CLEC16A: variants seen among roughly 807,000 people sequenced by gnomAD.
CLEC16A encodes the protein C-type lectin domain containing 16A.
A neutral mutation model predicts 109.5 loss-of-function variants in CLEC16A; 51 were observed. That is an observed-to-expected ratio of 0.47 (90% confidence interval 0.37 to 0.59). CLEC16A has a LOEUF of 0.59. Among genes scored for constraint, CLEC16A ranks in the 20% least tolerant of loss-of-function variants. The pLI is 0.00. For missense variants in CLEC16A, 1,339 were observed against 1,394.0 expected (o/e 0.96, Z 0.63); for synonymous variants, 673 against 564.2 (o/e 1.19, Z -2.73).
intron 10 of CLEC16A, among the ~76,000 whole-genome samples, chr16:10,985,266 A>G (rs1469221713): frequency 1.3e-5 from 2 of 150,828 alleles, no homozygotes; most frequent in African/African-American, 4.9e-5. Flanking sequence ...CTGGGTTGCA[A>G]ACTGGCCACC....
In CLEC16A at chr16:11,180,210, G is replaced by A. The variant is rs200365878; in HGVS notation, c.*1520G>A. 26 of 152,496 alleles carry A rather than the reference G, an allele frequency of 1.7e-4. No homozygotes were observed. The highest frequency in any genetic ancestry group is 2.8e-4 in the Non-Finnish European group (19 of 68,164). The allele number at this position is 152,496 out of a possible 1,614,324, so 9.4% of individuals were successfully genotyped here. ...TCTCCTCGGCCCAGCCAGCTGTCCC[G>A]GCAAGGCCTGCCGAGGGCAGTTTTC... On this transcript the variant is annotated 3_prime_UTR_variant, in exon 24 of 24. Coordinates refer to ENST00000409790, the MANE Select transcript of CLEC16A (RefSeq NM_015226.3).
Position 11,120,638 on chromosome 16 carries a change from A to G in CLEC16A, c.2140A>G (p.Thr714Ala). Residue 714 changes from threonine (T) to alanine (A), a missense_variant, in exon 20 of 24, where the codon ACA becomes GCA. Physicochemically the swap from Thr to Ala is moderately conservative, Grantham distance 58 (BLOSUM62 0). Coordinates refer to ENST00000409790, the MANE Select transcript of CLEC16A (RefSeq NM_015226.3). ...DLNNSDLIAC[T>A]VITKDGGMVQ... The stretch of plus-strand genomic sequence containing the variant: ...AGATAACAGCGACTTGATTGCATGT[A>G]CAGTGATCACCAAGGATGGCGGCAT... 1.2e-6 allele frequency: 2 copies of G among 1,613,080 alleles called. No individual in the cohort carries two copies. Among genetic ancestry groups the G allele is most frequent in the South Asian group, 1.1e-5 (1 of 90,840 alleles).
At chr16:11,144,937 C>T (rs2153070909) in intron 22 of CLEC16A, among the ~76,000 whole-genome samples, 1 of 152,162 alleles carries the variant, frequency 6.6e-6, no homozygotes, top group Non-Finnish European at 1.5e-5. Context: ...TTCATGGTGT[C>T]CTGGGGCTAA....
intron 22 of CLEC16A, among the ~76,000 whole-genome samples, chr16:11,142,895 C>T (rs1371791243): frequency 1.3e-5 from 2 of 152,224 alleles, no homozygotes; most frequent in Admixed American, 6.5e-5. Flanking sequence ...ACTGCAACCT[C>T]CGCCCCCCTG....
intron 19 of CLEC16A, among the ~76,000 whole-genome samples, chr16:11,104,189 A>G (rs1396074594): frequency 3.3e-5 from 5 of 151,850 alleles, no homozygotes; most frequent in African/African-American, 9.7e-5. Context: ...GCTTACTGCA[A>G]CCTCTGCCTC....
chr16:11,018,111 C>A (rs2152796526), intron 11 of CLEC16A, among the ~76,000 whole-genome samples: 1 of 150,088 alleles, frequency 6.7e-6, no homozygotes, highest in South Asian at 2.1e-4. Flanking sequence ...AGTTTGAGAC[C>A]AGCCTGGGCA....
intron 8 of CLEC16A, 87 bp from the exon 9 acceptor site, chr16:10,979,241 CA>C: frequency 8.0e-7 from 1 of 1,247,190 alleles, no homozygotes; most frequent in South Asian, 1.3e-5. Context: ...CGCCTTTGTT[CA>C]CACAGAAGGC....
At chr16:11,073,679 C>T (rs895903931) in intron 19 of CLEC16A, among the ~76,000 whole-genome samples, 4 of 152,192 alleles carry the variant, frequency 2.6e-5, no homozygotes, top group African/African-American at 9.6e-5. Context: ...CTGCCCTTGT[C>T]GCCCCTGCCT....
chr16:11,059,283 G>A (rs2048362131), intron 18 of CLEC16A, among the ~76,000 whole-genome samples: 1 of 152,190 alleles, frequency 6.6e-6, no homozygotes, highest in South Asian at 2.1e-4. Flanking sequence ...TATGAAGACT[G>A]TACTTTTAAA....
intron 22 of CLEC16A, among the ~76,000 whole-genome samples, chr16:11,128,343 A>C (rs765544168): frequency 6.6e-6 from 1 of 152,220 alleles, no homozygotes; most frequent in African/African-American, 2.4e-5. Flanking sequence ...ATCAAATGCC[A>C]GGAGTGTGGC....
chr16:11,025,237 G>A (rs138750763), intron 13 of CLEC16A, among the ~76,000 whole-genome samples: 54 of 152,244 alleles, frequency 3.5e-4, no homozygotes, highest in African/African-American at 1.3e-3. Flanking sequence ...CTGACTTAGC[G>A]TCTGACCTCT....
chr16:11,003,270 G>T lies in CLEC16A; in HGVS notation c.1268G>T (p.Gly423Val), dbSNP rs759504859. 1.9e-6 allele frequency: 3 copies of T among 1,612,606 alleles called. No homozygotes were observed. The highest frequency in any genetic ancestry group is 2.5e-6 in the Non-Finnish European group (3 of 1,179,786). The change falls in exon 11 of 24, where the codon GGT becomes GTT. Residue 423 changes from glycine to valine, a missense_variant. Physicochemically the swap from Gly to Val is moderately radical, Grantham distance 109. Transcript: ENST00000409790. ...DAEKAKGTEG[G>V]SKGIKTSGES... Reference sequence around the variant, plus strand: ...GAGAAGGCTAAAGGTACAGAGGGTGGTTCAAAAGGCATCAAGACGAGTGGG... The same window carrying T: ...GAGAAGGCTAAAGGTACAGAGGGTGTTTCAAAAGGCATCAAGACGAGTGGG...
At chr16:11,164,776 G>T (rs943731223) in intron 22 of CLEC16A, among the ~76,000 whole-genome samples, 1 of 152,232 alleles carries the variant, frequency 6.6e-6, no homozygotes, top group Non-Finnish European at 1.5e-5. Flanking sequence ...CAAGCAGGCA[G>T]CAGGTTGCAG....
chr16:11,049,805 G>A (rs990993264), intron 17 of CLEC16A, among the ~76,000 whole-genome samples: 5 of 152,246 alleles, frequency 3.3e-5, no homozygotes, highest in African/African-American at 7.2e-5. Flanking sequence ...GTTGTAGGGG[G>A]CAGCAGGAGT....
At chr16:11,150,160 G>T (rs561860314) in intron 22 of CLEC16A, 5 of 152,196 alleles carry the variant, frequency 3.3e-5, no homozygotes, top group Non-Finnish European at 7.3e-5. Flanking sequence ...ACAGTGTAAC[G>T]TAATACCTAT....
At chr16:11,046,475 T>G (rs1473117406) in intron 16 of CLEC16A, among the ~76,000 whole-genome samples, 1 of 151,918 alleles carries the variant, frequency 6.6e-6, no homozygotes, top group African/African-American at 2.4e-5. Context: ...GTGTGGGGTG[T>G]GTGTGTGTGT....
chr16:11,042,619 T>G (rs75783460), intron 15 of CLEC16A, among the ~76,000 whole-genome samples: 1 of 152,242 alleles, frequency 6.6e-6, no homozygotes, highest in Non-Finnish European at 1.5e-5. Context: ...GATTCTGTAT[T>G]TGTCCTCAGG....
At chr16:11,079,219 A>G (rs140607132) in intron 19 of CLEC16A, among the ~76,000 whole-genome samples, 4 of 152,150 alleles carry the variant, frequency 2.6e-5, no homozygotes, top group African/African-American at 4.8e-5. Flanking sequence ...AGCCATCCCT[A>G]TCTCTTGTGG....
At chr16:11,145,120 C>A (rs948398703) in intron 22 of CLEC16A, among the ~76,000 whole-genome samples, 1 of 152,158 alleles carries the variant, frequency 6.6e-6, no homozygotes, top group Admixed American at 6.5e-5. Context: ...GAGATAAAGC[C>A]ACGTGGGAAT....
Sources: allele counts gnomAD v4.1 joint callset (sites outside exome capture counted in the v4.1 genomes callset), GRCh38; gene constraint gnomAD v4.1.1; transcripts MANE v1.5; gene names NCBI Gene and HGNC (gene_info 2026-07-23, HGNC 2026-07-21).